NKAIN3: variants seen among roughly 807,000 people sequenced by gnomAD.
NKAIN3 encodes the protein sodium/potassium transporting ATPase interacting 3.
A neutral mutation model predicts 30.2 loss-of-function variants in NKAIN3; 25 were observed. That is an observed-to-expected ratio of 0.83 (90% CI 0.60 to 1.16). The LOEUF is 1.16. Among genes scored for constraint, NKAIN3 ranks in the 50% most tolerant of loss-of-function variants. NKAIN3 has a pLI of 0.00. For missense variants in NKAIN3, 225 were observed against 254.1 expected (o/e 0.89, Z 0.78); for synonymous variants, 91 against 89.6 (o/e 1.02, Z -0.09).
chr8:62,421,642 A>G (rs559363160), intron 1 of NKAIN3, among the ~76,000 whole-genome samples: 41 of 151,164 alleles, frequency 2.7e-4, no homozygotes, highest in African/African-American at 9.4e-4. Flanking sequence ...CTCTCTCTGT[A>G]TACATATATA....
intron 3 of NKAIN3, among the ~76,000 whole-genome samples, chr8:62,718,404 G>C (rs935090325): frequency 3.9e-5 from 6 of 152,082 alleles, no homozygotes; most frequent in Non-Finnish European, 8.8e-5. Flanking sequence ...AGGGACACCA[G>C]GTTAACTGAC....
chr8:62,913,735 T>G (rs545788231), intron 4 of NKAIN3, among the ~76,000 whole-genome samples: 1 of 152,200 alleles, frequency 6.6e-6, no homozygotes, highest in Non-Finnish European at 1.5e-5. Flanking sequence ...ACAGGTGTCC[T>G]CCTCTTAGTA....
chr8:62,636,420 T>C (rs1286937088), intron 3 of NKAIN3, among the ~76,000 whole-genome samples: 3 of 152,180 alleles, frequency 2.0e-5, no homozygotes, highest in Non-Finnish European at 4.4e-5. Flanking sequence ...ATAGCTCTCA[T>C]CAGAATTTTC....
At chr8:62,663,725 T>C (rs1394292627) in intron 3 of NKAIN3, among the ~76,000 whole-genome samples, 1 of 152,182 alleles carries the variant, frequency 6.6e-6, no homozygotes, top group East Asian at 1.9e-4. Flanking sequence ...TCTTTTCTGC[T>C]TTTTTCCGAT....
At chr8:62,560,677 T>A (rs143759843) in intron 1 of NKAIN3, among the ~76,000 whole-genome samples, 4 of 151,282 alleles carry the variant, frequency 2.6e-5, no homozygotes, top group Non-Finnish European at 4.4e-5. Flanking sequence ...GTAGCTGAGA[T>A]TACAGGCACC....
At chr8:62,676,748 C>T (rs1466399671) in intron 3 of NKAIN3, among the ~76,000 whole-genome samples, 2 of 146,442 alleles carry the variant, frequency 1.4e-5, no homozygotes, top group African/African-American at 5.1e-5. Flanking sequence ...GGGTCTTGCT[C>T]TGTCACCCAG....
chr8:62,818,544 G>A (rs954083819), intron 4 of NKAIN3, among the ~76,000 whole-genome samples: 4 of 150,694 alleles, frequency 2.7e-5, no homozygotes, highest in African/African-American at 7.4e-5. Flanking sequence ...TCTACCTTGT[G>A]TCTTGTTTGT....
At chr8:62,466,513 C>G (rs1289777259) in intron 1 of NKAIN3, among the ~76,000 whole-genome samples, 1 of 152,138 alleles carries the variant, frequency 6.6e-6, no homozygotes, top group South Asian at 2.1e-4. Context: ...ATGACAAAGT[C>G]TTAACCAGTC....
chr8:62,724,018 G>T (rs564756737), intron 3 of NKAIN3, among the ~76,000 whole-genome samples: 1 of 152,026 alleles, frequency 6.6e-6, no homozygotes, highest in Non-Finnish European at 1.5e-5. Context: ...TGTGTTATAG[G>T]ACTAATGATT....
At position 62,360,582 on chromosome 8, in the gene NKAIN3, A is replaced by C. The variant is rs561734759; in HGVS notation, c.54+111455A>C. Among the ~76,000 whole-genome samples the C allele has an allele frequency of 1.4e-4, 21 of 152,312 alleles. No homozygotes were observed. In the East Asian group the frequency reaches 3.9e-3, roughly 28 times the overall value. On this transcript the variant is annotated intron_variant, in intron 1 of 6. Transcript: ENST00000623646. The stretch of plus-strand genomic sequence containing the variant: ...TCAGAAAAGCCCATTTGGGATGATT[A>C]CTACTATTATTCTGTTGTTTTGAGG...
chr8:62,733,150 A>G (rs1275395162), intron 3 of NKAIN3, among the ~76,000 whole-genome samples: 1 of 152,156 alleles, frequency 6.6e-6, no homozygotes, highest in Non-Finnish European at 1.5e-5. Context: ...AAAATTAATC[A>G]TTACTGCTAC....
At chr8:62,499,086 G>A (rs1423668389) in intron 1 of NKAIN3, among the ~76,000 whole-genome samples, 1 of 152,100 alleles carries the variant, frequency 6.6e-6, no homozygotes, top group African/African-American at 2.4e-5. Context: ...TTGATACAGA[G>A]TTCGATAGTA....
At chr8:62,448,357 TA>T (rs1439795535) in intron 1 of NKAIN3, among the ~76,000 whole-genome samples, 4 of 151,574 alleles carry the variant, frequency 2.6e-5, no homozygotes, top group Admixed American at 2.6e-4. Context: ...TAGTTTTCAG[TA>T]ATTTTAGATT....
rs563864302 is a variant in NKAIN3, at chr8:62,863,528, A to T, written c.472-54925A>T. The T allele has an allele frequency of 7.9e-6, 11 of 1,401,214 alleles. No individual in the cohort carries two copies. The South Asian group carries it at 9.4e-5, about 12-fold the overall frequency. 86.8% of individuals were successfully genotyped at this position (1,401,214 alleles called of 1,614,324 possible). On this transcript the variant is annotated intron_variant, in intron 4 of 6. Transcript: ENST00000623646. Reference sequence around the variant, plus strand: ...GAGGCCTTGATAGTTGAACTTGATGATCCAGTTGAGGAGATGGTGGCCAAG... The same window carrying T: ...GAGGCCTTGATAGTTGAACTTGATGTTCCAGTTGAGGAGATGGTGGCCAAG...
chr8:62,580,395 G>T (rs555217312), intron 2 of NKAIN3, among the ~76,000 whole-genome samples: 1 of 152,244 alleles, frequency 6.6e-6, no homozygotes, highest in African/African-American at 2.4e-5. Context: ...ATGTGAGAAG[G>T]TTGTGAGAAA....
intron 1 of NKAIN3, among the ~76,000 whole-genome samples, chr8:62,318,327 C>A (rs992942034): frequency 1.3e-5 from 2 of 151,482 alleles, no homozygotes; most frequent in East Asian, 3.9e-4. Context: ...TGTTGTCCAA[C>A]GTCCTATGTT....
chr8:62,798,300 G>C (rs1176446457), intron 4 of NKAIN3, among the ~76,000 whole-genome samples: 1 of 152,170 alleles, frequency 6.6e-6, no homozygotes, highest in Non-Finnish European at 1.5e-5. Context: ...GGCCAGGCGT[G>C]GTGGCTCATG....
chr8:62,855,605 G>T (rs187312533), intron 4 of NKAIN3: 1 of 1,601,270 alleles, frequency 6.2e-7, no homozygotes, highest in Admixed American at 1.7e-5. Context: ...CAGGTCCACT[G>T]CTTGTTCAGT....
At chr8:62,353,201 C>A (rs1367242925) in intron 1 of NKAIN3, among the ~76,000 whole-genome samples, 3 of 152,014 alleles carry the variant, frequency 2.0e-5, no homozygotes, top group African/African-American at 7.3e-5. Context: ...GAACCTTGGC[C>A]TGTTTTACAA....
Sources: gnomAD v4.1 joint callset for allele counts (sites outside exome capture counted in the v4.1 genomes callset) on GRCh38, gnomAD v4.1.1 for gene constraint, MANE v1.5 for transcripts, NCBI Gene and HGNC (gene_info 2026-07-23, HGNC 2026-07-21) for gene names.